ZNF213: variants seen among roughly 807,000 people sequenced by gnomAD.
ZNF213 encodes zinc finger protein 213.
In ZNF213, 32 loss-of-function variants were observed where a neutral mutation model predicts 46.0. That is an observed-to-expected ratio of 0.70 (90% CI 0.52 to 0.93). ZNF213 has a LOEUF of 0.93. Ranked by LOEUF, ZNF213 falls within the 40% of genes least tolerant of loss-of-function variation. The pLI, the probability that ZNF213 is intolerant of heterozygous loss-of-function variation, is 0.00. For missense variants in ZNF213, 639 were observed against 652.8 expected (o/e 0.98, Z 0.23); for synonymous variants, 297 against 271.0 (o/e 1.10, Z -0.94).
intron 2 of ZNF213, 23 bp from the exon 3 acceptor site, chr16:3,138,395 A>C (rs1367155258): frequency 6.2e-7 from 1 of 1,612,922 alleles, no homozygotes; most frequent in African/African-American, 1.3e-5. Context: ...CGGGCTGATG[A>C]GCATGTTGTG....
At position 3,141,304 on chromosome 16, in the gene ZNF213, C is replaced by T. The variant is rs1293147223; in HGVS notation, c.1337C>T (p.Ala446Val). 1.1e-5 allele frequency: 18 copies of T among 1,600,668 alleles called. No individual in the cohort carries two copies. Among genetic ancestry groups the T allele is most frequent in the Admixed American group, 5.0e-5 (3 of 59,476 alleles). Residue 446 changes from alanine to valine, a missense_variant, in exon 6 of 6, where the codon GCG becomes GTG. Ala to Val is a moderately conservative substitution (Grantham distance 64). Transcript: ENST00000396878. ...KSFKQRAHLI[A>V]HQSLHAKMAQ... ...TTCAAGCAGCGCGCGCACCTCATCG[C>T]GCATCAGAGCCTGCACGCCAAGATG...
At chr16:3,135,846 T>C (rs1241305702) in intron 1 of ZNF213, among the ~76,000 whole-genome samples, 5 of 149,646 alleles carry the variant, frequency 3.3e-5, no homozygotes, top group Admixed American at 1.3e-4. Context: ...TTCTTTCTTT[T>C]TTTTTTTTTT....
chr16:3,138,211 C>T (rs1957562893), intron 2 of ZNF213: 1 of 999,196 alleles, frequency 1.0e-6, no homozygotes, highest in East Asian at 2.7e-5. Flanking sequence ...CTGGTTCTTG[C>T]CTCGTGAATG....
intron 5 of ZNF213, chr16:3,139,596 TCA>T (rs1248003970): frequency 6.0e-6 from 1 of 166,440 alleles, no homozygotes; most frequent in African/African-American, 2.4e-5. Context: ...ATCATCTTGT[TCA>T]GTCACACTCC....
At position 3,138,442 on chromosome 16, in the gene ZNF213, C is replaced by A. The variant is rs750856757; in HGVS notation, c.424C>A (p.Pro142Thr). The change falls in exon 3 of 6, where the codon CCC (proline) becomes ACC (threonine). Residue 142 changes from proline to threonine, a missense_variant. Pro to Thr is a conservative substitution (Grantham distance 38). Coordinates refer to ENST00000396878, the MANE Select transcript of ZNF213 (RefSeq NM_004220.3). ...GGATGTGCCCTCGGAGGAGGCGGAACCCGAGGCTGCAGGCCGGGGATCCCA... is the reference window on the plus strand; with the variant it reads ...GGATGTGCCCTCGGAGGAGGCGGAAACCGAGGCTGCAGGCCGGGGATCCCA... ...RQDVPSEEAE[P>T]EAAGRGSQAT... 2.5e-6 allele frequency: 4 copies of A among 1,613,372 alleles called. No individual in the cohort carries two copies. Among genetic ancestry groups the A allele is most frequent in the African/African-American group, 1.3e-5 (1 of 74,920 alleles).
chr16:3,140,028 A>ATTACAGGCGTGAGCCT, intron 5 of ZNF213: 1 of 152,152 alleles, frequency 6.6e-6, no homozygotes, highest in Non-Finnish European at 1.5e-5. Context: ...GGCGTGAGCC[A>ATTACAGGCGTGAGCCT]CCGCGCCCGG....
Position 3,140,849 on chromosome 16 carries a change from G to A in ZNF213, c.882G>A (p.Val294=), listed in dbSNP as rs1385365293. The A allele has an allele frequency of 6.3e-7, 1 of 1,581,210 alleles. No individual in the cohort carries two copies. The change falls in exon 6 of 6, where the codon GTG becomes GTA. Residue 294 remains valine, a synonymous_variant. Transcript: ENST00000396878. ...NRPRAALGPV[V]GARRGRPPTR... is the part of the protein sequence containing the mutation. ...CGAGGGCGGCCCTGGGCCCAGTGGT[G>A]GGCGCGCGACGGGGGCGGCCACCCA... is the stretch of plus-strand genomic sequence containing the variant.
rs114577243 is a variant in ZNF213, at chr16:3,138,429, G to A, written c.411G>A (p.Ser137=). 61 of 1,613,554 alleles carry A rather than the reference G, an allele frequency of 3.8e-5. No homozygotes were observed. In the Middle Eastern group the frequency reaches 1.2e-3, roughly 31 times the overall value. ...TGGTTCCTGCACAGGATGTGCCCTCGGAGGAGGCGGAACCCGAGGCTGCAG... is the reference window on the plus strand; with the variant it reads ...TGGTTCCTGCACAGGATGTGCCCTCAGAGGAGGCGGAACCCGAGGCTGCAG... ...PVKAWRQDVP[S]EEAEPEAAGR... The change falls in exon 3 of 6, where the codon TCG becomes TCA. Residue 137 remains serine, a synonymous_variant. Transcript: ENST00000396878.
chr16:3,138,967 C>T lies in ZNF213; in HGVS notation c.598-8C>T. On this transcript the variant is annotated splice_polypyrimidine_tract_variant and splice_region_variant and intron_variant, in intron 4 of 5. Transcript: ENST00000396878. ...AGGCCTGAGCCGGGTCTTCTCACCC[C>T]ATTCCAGGGACCTGTGGCATTGGGA... The T allele has an allele frequency of 6.2e-7, 1 of 1,614,226 alleles. No homozygotes were observed. The highest frequency in any genetic ancestry group is 8.5e-7 in the Non-Finnish European group (1 of 1,180,036).
Position 3,142,258 on chromosome 16 carries a change from T to A in ZNF213, c.*911T>A, listed in dbSNP as rs1957614889. 6 of 98,582 alleles carry A rather than the reference T, an allele frequency of 6.1e-5. No homozygotes were observed. The highest frequency in any genetic ancestry group is 1.3e-4 in the South Asian group (1 of 7,562). The allele number at this position is 98,582 out of a possible 1,614,324, so 6.1% of individuals were successfully genotyped here. On this transcript the variant is annotated 3_prime_UTR_variant, in exon 6 of 6. Coordinates refer to ENST00000396878, the MANE Select transcript of ZNF213 (RefSeq NM_004220.3). ...ATGCTCCACTCGGCGCCCCACTCCA[T>A]CGGCCCCGCTCCATCGGCACTAATG...
rs776833203 is a variant in ZNF213 at position 3,141,056 on chromosome 16, C to T, written c.1089C>T (p.His363=). ...GCAGCTCCTCGGACCTGGTGCGCCA[C>T]CAAGGCGTGCACACGGGCGAGAAGC... ...SFRSSSDLVR[H]QGVHTGEKPF... is the part of the protein sequence containing the mutation. Residue 363 remains histidine (H), a synonymous_variant, in exon 6 of 6, where the codon CAC becomes CAT. Coordinates refer to ENST00000396878, the MANE Select transcript of ZNF213 (RefSeq NM_004220.3). 16 of 1,612,988 alleles carry T rather than the reference C, an allele frequency of 9.9e-6. No individual in the cohort carries two copies. The Admixed American group carries it at 2.5e-4, about 25-fold the overall frequency.
In ZNF213 at chr16:3,137,626, G is replaced by C. The variant is rs770404970; in HGVS notation, c.346G>C (p.Ala116Pro). The C allele has an allele frequency of 6.2e-7, 1 of 1,613,910 alleles. No homozygotes were observed. The highest frequency in any genetic ancestry group is 1.1e-5 in the South Asian group (1 of 91,090). Residue 116 changes from alanine (A) to proline (P), a missense_variant, in exon 2 of 6, where the codon GCT becomes CCT. Transcript: ENST00000396878. The part of the protein sequence containing the change: ...REQHPGSGEE[A>P]VALVEDLQKQ... ...GCAGCACCCGGGAAGCGGTGAGGAG[G>C]CTGTCGCCTTGGTGGAGGACCTACA...
In ZNF213 at chr16:3,139,116, T is replaced by C. The variant is rs368043360; in HGVS notation, c.721+18T>C. 2.5e-6 allele frequency: 4 copies of C among 1,611,748 alleles called. No homozygotes were observed. In the African/African-American group the frequency reaches 5.3e-5, roughly 22 times the overall value. ...CACCCTGGGTAAGCACCCAGGGCCT[T>C]TGGGTCCAGGCTGGCCGCCCCCGAT... On this transcript the variant is annotated intron_variant, in intron 5 of 5. Coordinates refer to ENST00000396878, the MANE Select transcript of ZNF213 (RefSeq NM_004220.3).
chr16:3,138,588 A>G (rs1567185396), intron 3 of ZNF213, 47 bp downstream of exon 3: 1 of 1,612,902 alleles, frequency 6.2e-7, no homozygotes, highest in Non-Finnish European at 8.5e-7. Flanking sequence ...CTGGGCAGGG[A>G]CCTAGCTTTG....
rs1459781342 is a variant in ZNF213 at position 3,141,367 on chromosome 16, AC to A, written c.*23del. 1 of 1,523,698 alleles carries A rather than the reference AC, an allele frequency of 6.6e-7. No homozygotes were observed. Among genetic ancestry groups the A allele is most frequent in the African/African-American group, 1.4e-5 (1 of 72,708 alleles). 94.4% of individuals were successfully genotyped at this position (1,523,698 alleles called of 1,614,324 possible). On this transcript the variant is annotated 3_prime_UTR_variant, in exon 6 of 6. Coordinates refer to ENST00000396878, the MANE Select transcript of ZNF213 (RefSeq NM_004220.3). ...GGGTGAGCAGCTGGCTTGGCCGGAA[AC>A]CCGGGGGAGGCCCAGCCACGGCACA...
chr16:3,139,082 C>G lies in ZNF213; in HGVS notation c.705C>G (p.Ser235=). The G allele has an allele frequency of 6.2e-7, 1 of 1,613,896 alleles. No individual in the cohort carries two copies. The highest frequency in any genetic ancestry group is 8.5e-7 in the Non-Finnish European group (1 of 1,179,984). ...DLFWDIKREN[S]RNTTLGFGLK... ...TCTGGGACATAAAGCGGGAGAACTC[C>G]CGGAACACCACCCTGGGTAAGCACC... is the stretch of plus-strand genomic sequence containing the variant. Residue 235 remains serine, a synonymous_variant, in exon 5 of 6, where the codon TCC becomes TCG. Coordinates refer to ENST00000396878, the MANE Select transcript of ZNF213 (RefSeq NM_004220.3).
In ZNF213 at chr16:3,141,558, T is replaced by G. The variant is rs535883879; in HGVS notation, c.*211T>G. Reference sequence around the variant, plus strand: ...GGAAGCCTTCCCCTCCCGCCCCCGATCTTGTCCTCTTTCCCCCTTCTGCGC... The same window carrying G: ...GGAAGCCTTCCCCTCCCGCCCCCGAGCTTGTCCTCTTTCCCCCTTCTGCGC... On this transcript the variant is annotated 3_prime_UTR_variant, in exon 6 of 6. Coordinates refer to ENST00000396878, the MANE Select transcript of ZNF213 (RefSeq NM_004220.3). 3.5e-5 allele frequency: 19 copies of G among 549,508 alleles called. No individual in the cohort carries two copies. The highest frequency in any genetic ancestry group is 7.2e-5 in the Admixed American group (2 of 27,830). The allele number at this position is 549,508 out of a possible 1,614,324, so 34.0% of individuals were successfully genotyped here. A position where few individuals can be genotyped will look rare whatever the true frequency, so the allele number is the denominator to read the frequency against.
At chr16:3,136,397 A>T (rs1361524011) in intron 1 of ZNF213, among the ~76,000 whole-genome samples, 1 of 152,210 alleles carries the variant, frequency 6.6e-6, no homozygotes, top group East Asian at 1.9e-4. Flanking sequence ...CTGGGGCAAC[A>T]CTAAATAATG....
rs1300590139 is a variant in ZNF213, at chr16:3,139,031, C to G, written c.654C>G (p.Thr218=). The G allele has an allele frequency of 6.2e-7, 1 of 1,614,000 alleles. No homozygotes were observed. The highest frequency in any genetic ancestry group is 2.2e-5 in the East Asian group (1 of 44,888). ...ATTTCTCCCGGGAAGAATGGGGCAC[C>G]CTGGACCCTGCTCAGCGGGATCTCT... The part of the protein sequence containing the change: ...PFYFSREEWG[T]LDPAQRDLFW... The change falls in exon 5 of 6, where the codon ACC becomes ACG. Residue 218 remains threonine, a synonymous_variant. Coordinates refer to ENST00000396878, the MANE Select transcript of ZNF213 (RefSeq NM_004220.3).
Sources: allele counts gnomAD v4.1 joint callset (sites outside exome capture counted in the v4.1 genomes callset), GRCh38; gene constraint gnomAD v4.1.1; transcripts MANE v1.5; gene names NCBI Gene and HGNC (gene_info 2026-07-23, HGNC 2026-07-21).